Variants in SVIL observed in about 807,000 individuals in gnomAD.
SVIL encodes archvillin.
A neutral mutation model predicts 240.4 loss-of-function variants in SVIL; 101 were observed. The ratio of observed to expected loss-of-function variants is 0.42; its 90% confidence interval spans 0.36 to 0.50. The LOEUF is 0.50. Among genes scored for constraint, SVIL ranks in the 20% least tolerant of loss-of-function variants. The pLI is 0.01. For missense variants in SVIL, 2,512 were observed against 2,818.7 expected, an observed-to-expected ratio of 0.89 and a Z score of 2.46; for synonymous variants, 999 against 1,100.0, an observed-to-expected ratio of 0.91 and a Z score of 1.82.
At chr10:29,481,763 G>C (rs1323243586) in intron 27 of SVIL, 35 bp from the exon 28 acceptor site, 2 of 1,600,256 alleles carry the variant, frequency 1.2e-6, no homozygotes, top group Admixed American at 1.8e-5. Flanking sequence ...AGAACAGACA[G>C]GAAAAGAACC....
At chr10:29,682,249 C>A (rs1243696466) in intron 2 of SVIL, among the ~76,000 whole-genome samples, 3 of 152,160 alleles carry the variant, frequency 2.0e-5, no homozygotes. Context: ...GAGAGAGTAG[C>A]CCACGTGTAG....
chr10:29,548,924 G>GTTT (rs950093836), intron 6 of SVIL, among the ~76,000 whole-genome samples: 4 of 152,198 alleles, frequency 2.6e-5, no homozygotes, highest in African/African-American at 9.7e-5. Context: ...TGTTCAGTTT[G>GTTT]TTTTTAAAAC....
chr10:29,727,565 G>C (rs1178389290), intron 1 of SVIL, among the ~76,000 whole-genome samples: 3 of 152,126 alleles, frequency 2.0e-5, no homozygotes, highest in African/African-American at 7.2e-5. Flanking sequence ...AAGCTTTGCA[G>C]AATTACATGC....
At chr10:29,577,845 G>T (rs1271714046) in intron 1 of SVIL, among the ~76,000 whole-genome samples, 1 of 152,034 alleles carries the variant, frequency 6.6e-6, no homozygotes, top group Non-Finnish European at 1.5e-5. Context: ...AAATAAAATA[G>T]TTGTAAATTT....
intron 1 of SVIL, among the ~76,000 whole-genome samples, chr10:29,613,021 CA>C (rs1406925840): frequency 1.3e-5 from 2 of 151,904 alleles, no homozygotes; most frequent in Non-Finnish European, 2.9e-5. Context: ...ACTAAAAATA[CA>C]AAAAACTAGC....
At chr10:29,503,900 G>A (rs1330009925) in intron 17 of SVIL, among the ~76,000 whole-genome samples, 1 of 152,134 alleles carries the variant, frequency 6.6e-6, no homozygotes, top group Non-Finnish European at 1.5e-5. Context: ...ACACAACACT[G>A]AAGGGGAAGA....
In SVIL at chr10:29,735,710, C is replaced by A. The variant is rs1360014904; in HGVS notation, c.-400+41G>T. On this transcript the variant is annotated intron_variant, in intron 1 of 35. Coordinates refer to the SVIL transcript ENST00000375400. This position sits in a 1 kb window ranked among gnomAD's most constrained non-coding sequence, Gnocchi z 4.1. ...GTCCTGGCGTCTGCCGGCCCCGGCT[C>A]CGCGCGCCCCTCGGCCACCGCGCGG... The A allele has an allele frequency of 6.6e-6, 1 of 151,978 alleles. No individual in the cohort carries two copies. Among genetic ancestry groups the A allele is most frequent in the African/African-American group, 2.4e-5 (1 of 41,372 alleles). 9.4% of individuals were successfully genotyped at this position (151,978 alleles called of 1,614,324 possible). A position where few individuals can be genotyped will look rare whatever the true frequency, so the allele number is the denominator to read the frequency against.
At chr10:29,629,767 C>A (rs1958013985) in intron 1 of SVIL, among the ~76,000 whole-genome samples, 1 of 148,674 alleles carries the variant, frequency 6.7e-6, no homozygotes, top group Admixed American at 6.9e-5. Flanking sequence ...AGCTTGAGGC[C>A]AGGAGCTCAA....
At chr10:29,729,453 GTGTGTGTGT>G (rs1564368911) in intron 1 of SVIL, among the ~76,000 whole-genome samples, 61 of 20,118 alleles carry the variant, frequency 3.0e-3, no homozygotes, top group African/African-American at 4.3e-3. Flanking sequence ...TTATGGAGGT[GTGTGTGTGT>G]GTGTGTGTGT....
chr10:29,505,182 G>A (rs1371018145), intron 17 of SVIL, among the ~76,000 whole-genome samples: 1 of 152,006 alleles, frequency 6.6e-6, no homozygotes, highest in Non-Finnish European at 1.5e-5. Context: ...ACAATTACCT[G>A]GGGTGTGGTG....
At chr10:29,459,308 G>A (rs943951948) in intron 36 of SVIL, among the ~76,000 whole-genome samples, 5 of 152,010 alleles carry the variant, frequency 3.3e-5, no homozygotes, top group African/African-American at 1.2e-4. Flanking sequence ...TAGAGATGAT[G>A]GAGTCTTGTT....
intron 1 of SVIL, among the ~76,000 whole-genome samples, chr10:29,587,276 C>T (rs189822227): frequency 1.9e-3 from 290 of 152,262 alleles, no homozygotes; most frequent in African/African-American, 6.7e-3. Context: ...TACTAGGCCA[C>T]GTCTCCGGGG....
At chr10:29,618,573 T>G (rs1396486158) in intron 1 of SVIL, among the ~76,000 whole-genome samples, 2 of 152,148 alleles carry the variant, frequency 1.3e-5, no homozygotes, top group Non-Finnish European at 2.9e-5. Context: ...CCCAAATGCC[T>G]TCTTTTCACT....
At position 29,533,265 on chromosome 10, in the gene SVIL, C is replaced by T. The variant is rs756228949; in HGVS notation, c.1102G>A (p.Val368Ile). Reference sequence around the variant, plus strand: ...GTGTGACCGGTATCTGCGGGTTGGACATAGCCACGGATTGGCTGTCGTGTA... The same window carrying T: ...GTGTGACCGGTATCTGCGGGTTGGATATAGCCACGGATTGGCTGTCGTGTA... Reference protein sequence around the residue: ...GSTRQPIRGYVQPADTGHTAK... With the variant: ...GSTRQPIRGYIQPADTGHTAK... Residue 368 changes from valine to isoleucine, a missense_variant, in exon 8 of 38, where the codon GTC becomes ATC. Around this residue, in one of 3 missense-constraint regions of SVIL, gnomAD observed 1,443 missense variants for 1,486.6 expected, o/e 0.97. Coordinates refer to ENST00000355867, the MANE Select transcript of SVIL (RefSeq NM_021738.3). The T allele has an allele frequency of 1.2e-6, 2 of 1,614,108 alleles. No homozygotes were observed. The highest frequency in any genetic ancestry group is 3.3e-5 in the Admixed American group (2 of 60,014).
Position 29,720,001 on chromosome 10 carries a change from G to A in SVIL, c.-400+15750C>T, listed in dbSNP as rs74442577. ...CCAAGCACAAGAAATATAAACTAAC[G>A]TATATCAAAGCACATTGCAAATTGC... is the stretch of plus-strand genomic sequence containing the variant. On this transcript the variant is annotated intron_variant, in intron 1 of 35. Transcript: ENST00000375400. Among the ~76,000 whole-genome samples, 429 of 152,200 alleles carry A rather than the reference G, an allele frequency of 2.8e-3. 5 individuals are homozygous for A. Among genetic ancestry groups the A allele is most frequent in the African/African-American group, 8.9e-3 (371 of 41,510 alleles).
Position 29,495,016 on chromosome 10 carries a change from C to T in SVIL, c.3755-16G>A, listed in dbSNP as rs768384226. 1.1e-5 allele frequency: 17 copies of T among 1,610,264 alleles called. No homozygotes were observed. Among genetic ancestry groups the T allele is most frequent in the Non-Finnish European group, 1.3e-5 (15 of 1,179,544 alleles). ...GCTTCGATATCTAGGCAAGCAGAAA[C>T]CGTCAGTGAGACAGCATCACTAAGG... On this transcript the variant is annotated splice_polypyrimidine_tract_variant and intron_variant, in intron 19 of 37. Coordinates refer to ENST00000355867, the MANE Select transcript of SVIL (RefSeq NM_021738.3).
chr10:29,510,166 A>T (rs1177472669), intron 17 of SVIL, among the ~76,000 whole-genome samples: 2 of 152,218 alleles, frequency 1.3e-5, no homozygotes, highest in Non-Finnish European at 2.9e-5. Context: ...TGTTGGGACT[A>T]CAGGCACGGC....
intron 1 of SVIL, among the ~76,000 whole-genome samples, chr10:29,583,512 C>T (rs763728931): frequency 1.3e-5 from 2 of 152,058 alleles, no homozygotes; most frequent in Admixed American, 6.6e-5. Context: ...GTTGCCCAGG[C>T]AGGTCTCAAA....
chr10:29,459,636 A>G (rs1411029001), intron 36 of SVIL, among the ~76,000 whole-genome samples: 1 of 152,232 alleles, frequency 6.6e-6, no homozygotes, highest in Non-Finnish European at 1.5e-5. Context: ...TTTTAAAACC[A>G]CTGTGTGAAT....
Sources: allele counts gnomAD v4.1 joint callset (sites outside exome capture counted in the v4.1 genomes callset), GRCh38; gene constraint gnomAD v4.1.1; regional missense constraint gnomAD v4.1.1; non-coding constraint Gnocchi (gnomAD v3.1); transcripts MANE v1.5; gene names NCBI Gene and HGNC (gene_info 2026-07-23, HGNC 2026-07-21).